The following MAP3K7CL variants were observed in gnomAD, a reference collection of about 807,000 sequenced individuals.
MAP3K7CL encodes the protein MAP3K7 C-terminal-like protein.
A neutral mutation model predicts 18.6 loss-of-function variants in MAP3K7CL; 16 were observed. The observed-to-expected ratio is 0.86, with a 90% CI of 0.58 to 1.31. MAP3K7CL has a LOEUF of 1.31. Among genes scored for constraint, MAP3K7CL ranks in the 50% most tolerant of loss-of-function variants. The probability of loss-of-function intolerance (pLI) is 0.00; values close to 1 mark genes in which losing one functional copy is unlikely to be tolerated. For missense variants in MAP3K7CL, 163 were observed against 174.4 expected (o/e 0.93, Z 0.37); for synonymous variants, 65 against 66.8 (o/e 0.97, Z 0.13).
At chr21:29,089,724 C>T (rs1251984843) in intron 1 of MAP3K7CL, among the ~76,000 whole-genome samples, 1 of 152,068 alleles carries the variant, frequency 6.6e-6, no homozygotes, top group African/African-American at 2.4e-5. Flanking sequence ...TGGCCTTTTG[C>T]CTTCTGTCTT....
rs372930459 is a variant in MAP3K7CL at position 29,086,365 on chromosome 21, GT to G, written c.57+450del. Among the ~76,000 whole-genome samples the G allele has an allele frequency of 3.6e-3, 544 of 152,268 alleles. 2 individuals are homozygous for G. Among genetic ancestry groups the G allele is most frequent in the African/African-American group, 0.012 (516 of 41,550 alleles). ...TCCAGCTTGAAATGAACTTCTCGAG[GT>G]TCATGGCCCCGTAAGTGTTTGCTGC... On this transcript the variant is annotated intron_variant, in intron 1 of 6. Transcript: ENST00000286791.
At chr21:29,145,879 A>C (rs991839827) in intron 2 of MAP3K7CL, among the ~76,000 whole-genome samples, 3 of 148,624 alleles carry the variant, frequency 2.0e-5, no homozygotes, top group African/African-American at 7.4e-5. Context: ...TTTTATTTCA[A>C]CTCAAGGAGT....
chr21:29,113,259 C>A (rs2086450558), intron 4 of MAP3K7CL, among the ~76,000 whole-genome samples: 1 of 152,114 alleles, frequency 6.6e-6, no homozygotes. Flanking sequence ...TTGCTTTGTG[C>A]TTTAAGATAT....
chr21:29,142,278 G>C (rs1218549123), intron 2 of MAP3K7CL, among the ~76,000 whole-genome samples: 5 of 152,096 alleles, frequency 3.3e-5, no homozygotes, highest in Non-Finnish European at 7.4e-5. Flanking sequence ...TGTTACCTAG[G>C]CTTGTCTCAA....
At chr21:29,086,052 G>A in intron 1 of MAP3K7CL, 1 of 943,314 alleles carries the variant, frequency 1.1e-6, no homozygotes, top group Non-Finnish European at 1.7e-6. Context: ...AACCATTACT[G>A]TTGGCAATCT....
intron 2 of MAP3K7CL, among the ~76,000 whole-genome samples, chr21:29,148,063 GT>G (rs2087181095): frequency 6.6e-6 from 1 of 151,816 alleles, no homozygotes; most frequent in Non-Finnish European, 1.5e-5. Flanking sequence ...TATGTGTACT[GT>G]ATATGTATCT....
intron 2 of MAP3K7CL, among the ~76,000 whole-genome samples, chr21:29,136,547 CAG>C (rs1210063512): frequency 6.6e-6 from 1 of 151,140 alleles, no homozygotes; most frequent in Non-Finnish European, 1.5e-5. Flanking sequence ...TTTTTTGAGA[CAG>C]AGTCTCTCTC....
At chr21:29,110,022 T>A (rs1318673563) in intron 4 of MAP3K7CL, among the ~76,000 whole-genome samples, 1 of 152,238 alleles carries the variant, frequency 6.6e-6, no homozygotes, top group African/African-American at 2.4e-5. Context: ...GATATGATAC[T>A]GTGTACTTAC....
chr21:29,174,220 A>G (rs576848533), intron 4 of MAP3K7CL, among the ~76,000 whole-genome samples: 1 of 152,290 alleles, frequency 6.6e-6, no homozygotes, highest in Non-Finnish European at 1.5e-5. Context: ...GGTAATATCT[A>G]CAAGGACAGA....
chr21:29,108,800 T>G lies in MAP3K7CL; in HGVS notation c.370+16219T>G, dbSNP rs187872428. Among the ~76,000 whole-genome samples the G allele has an allele frequency of 6.3e-4, 96 of 152,292 alleles. No individual in the cohort carries two copies. The Middle Eastern group carries it at 0.01, about 16-fold the overall frequency. ...ACTGTAAAGGAAAACATAAGTATTG[T>G]TGGTGGTGTTATTCATCTCCCTGCC... On this transcript the variant is annotated intron_variant, in intron 4 of 6. Transcript: ENST00000286791.
chr21:29,166,726 T>G (rs1192096539), intron 4 of MAP3K7CL, among the ~76,000 whole-genome samples: 3 of 152,258 alleles, frequency 2.0e-5, no homozygotes, highest in Non-Finnish European at 4.4e-5. Context: ...CTTTGTATCA[T>G]GCATCAGTAC....
upstream of MAP3K7CL, among the ~76,000 whole-genome samples, chr21:29,085,361 A>T (rs940742293): frequency 2.6e-5 from 4 of 152,160 alleles, no homozygotes; most frequent in Non-Finnish European, 4.4e-5. Context: ...TATTATGCTT[A>T]AAGTGATCAT....
At chr21:29,106,111 T>A (rs2086317411) in intron 4 of MAP3K7CL, among the ~76,000 whole-genome samples, 1 of 152,002 alleles carries the variant, frequency 6.6e-6, no homozygotes, top group Non-Finnish European at 1.5e-5. Flanking sequence ...TCCACACAAA[T>A]CAGGAAAAGG....
Position 29,136,595 on chromosome 21 carries a change from G to A in MAP3K7CL, c.70+3181G>A, listed in dbSNP as rs568399226. Among the ~76,000 whole-genome samples, 6 of 151,906 alleles carry A rather than the reference G, an allele frequency of 3.9e-5. No individual in the cohort carries two copies. The South Asian group carries it at 1.0e-3, about 26-fold the overall frequency. ...GCTGGCGTGCAGTGGTGCAATATTG[G>A]CTCACCGCGACCTCCGCCTCCCTGA... On this transcript the variant is annotated intron_variant, in intron 2 of 4. Transcript: ENST00000399928.
chr21:29,162,790 G>T (rs1347984312), intron 4 of MAP3K7CL, among the ~76,000 whole-genome samples: 1 of 151,716 alleles, frequency 6.6e-6, no homozygotes, highest in East Asian at 2.0e-4. Context: ...GATAACTCTG[G>T]GTACCACTAC....
chr21:29,121,380 C>T (rs1189212808), intron 4 of MAP3K7CL, among the ~76,000 whole-genome samples: 1 of 152,074 alleles, frequency 6.6e-6, no homozygotes, highest in African/African-American at 2.4e-5. Flanking sequence ...ATCAGTTGTG[C>T]CTTTGGTAAA....
chr21:29,139,025 T>C (rs1161260920), intron 2 of MAP3K7CL, among the ~76,000 whole-genome samples: 2 of 152,256 alleles, frequency 1.3e-5, no homozygotes, highest in East Asian at 3.8e-4. Context: ...ATTAATCGTA[T>C]GACACTTAGT....
chr21:29,085,055 A>G (rs957502296), upstream of MAP3K7CL: 2 of 152,092 alleles, frequency 1.3e-5, no homozygotes, highest in African/African-American at 4.8e-5. Context: ...CTAAGCCCAT[A>G]TTTTCTCTCA....
At chr21:29,113,970 AGGTATCATTTCT>A (rs2086463151) in intron 4 of MAP3K7CL, among the ~76,000 whole-genome samples, 1 of 152,058 alleles carries the variant, frequency 6.6e-6, no homozygotes, top group African/African-American at 2.4e-5. Flanking sequence ...TTCTTTTTAG[AGGTATCATTTCT>A]GCCCAAATCT....
Sources: allele counts gnomAD v4.1 joint callset (sites outside exome capture counted in the v4.1 genomes callset), GRCh38; gene constraint gnomAD v4.1.1; transcripts MANE v1.5; gene names NCBI Gene and HGNC (gene_info 2026-07-23, HGNC 2026-07-21).